Variants in CACNA2D3 observed in about 807,000 individuals in gnomAD.
CACNA2D3 encodes voltage-dependent calcium channel subunit alpha-2/delta-3.
A neutral mutation model predicts 160.6 loss-of-function variants in CACNA2D3; 60 were observed. That is an observed-to-expected ratio of 0.37 (90% CI 0.30 to 0.46). The LOEUF is 0.46. Among genes scored for constraint, CACNA2D3 ranks in the 20% least tolerant of loss-of-function variants. The probability of loss-of-function intolerance (pLI) is 1.00; values close to 1 mark genes in which losing one functional copy is unlikely to be tolerated. For synonymous variants in CACNA2D3, 558 were observed against 492.9 expected (o/e 1.13, Z -1.75); for missense variants, 1,205 against 1,365.0 (o/e 0.88, Z 1.85).
chr3:54,549,296 A>G (rs1397767892), intron 5 of CACNA2D3, among the ~76,000 whole-genome samples: 1 of 152,122 alleles, frequency 6.6e-6, no homozygotes, highest in Non-Finnish European at 1.5e-5. Context: ...AATACAAAAA[A>G]TTAGCCGAAT....
At chr3:54,680,199 G>A (rs1242027595) in intron 11 of CACNA2D3, among the ~76,000 whole-genome samples, 2 of 152,100 alleles carry the variant, frequency 1.3e-5, no homozygotes, top group East Asian at 3.9e-4. Context: ...ATAATCACCA[G>A]CTATGTCCCT....
At chr3:54,239,024 G>A (rs1242433564) in intron 2 of CACNA2D3, among the ~76,000 whole-genome samples, 1 of 152,192 alleles carries the variant, frequency 6.6e-6, no homozygotes, top group Non-Finnish European at 1.5e-5. Flanking sequence ...GTCCATAAAT[G>A]TATCAGTCAT....
At chr3:54,726,776 A>G (rs1478364742) in intron 11 of CACNA2D3, among the ~76,000 whole-genome samples, 1 of 152,238 alleles carries the variant, frequency 6.6e-6, no homozygotes, top group Non-Finnish European at 1.5e-5. Context: ...AGGTGGATCA[A>G]AGACTTAAAC....
intron 17 of CACNA2D3, among the ~76,000 whole-genome samples, chr3:54,871,070 ACACACACACACACACACACACAC>A (rs1473808069): frequency 9.9e-6 from 1 of 100,806 alleles, no homozygotes; most frequent in Non-Finnish European, 2.3e-5. Context: ...ACACACACAC[ACACACACACACACACACACACAC>A]CATTCAATGG....
intron 4 of CACNA2D3, among the ~76,000 whole-genome samples, chr3:54,503,005 C>G (rs1701317478): frequency 6.6e-6 from 1 of 152,194 alleles, no homozygotes; most frequent in Admixed American, 6.5e-5. Flanking sequence ...GTTGCCATCG[C>G]AGTGAGACCT....
intron 16 of CACNA2D3, among the ~76,000 whole-genome samples, chr3:54,843,341 C>T (rs887238568): frequency 4.6e-5 from 7 of 152,146 alleles, no homozygotes; most frequent in Non-Finnish European, 8.8e-5. Flanking sequence ...GTCAGGAGAG[C>T]CTTTTTACAA....
intron 5 of CACNA2D3, among the ~76,000 whole-genome samples, chr3:54,545,084 A>G (rs978995328): frequency 1.6e-4 from 25 of 152,228 alleles, no homozygotes; most frequent in African/African-American, 5.1e-4. Flanking sequence ...ACTTCTGGCC[A>G]TTTAAAATAT....
intron 27 of CACNA2D3, among the ~76,000 whole-genome samples, chr3:54,927,583 T>G (rs1453406956): frequency 2.0e-5 from 3 of 152,174 alleles, no homozygotes; most frequent in Non-Finnish European, 2.9e-5. Flanking sequence ...GTAGCCAATT[T>G]GTTCATTCTT....
At chr3:54,183,876 A>G (rs1700828508) in intron 2 of CACNA2D3, among the ~76,000 whole-genome samples, 1 of 136,640 alleles carries the variant, frequency 7.3e-6, no homozygotes, top group Non-Finnish European at 1.5e-5. Flanking sequence ...CAAAAGCGAA[A>G]CTCCGTCTCA....
intron 31 of CACNA2D3, among the ~76,000 whole-genome samples, chr3:55,000,084 G>A (rs943957087): frequency 6.6e-6 from 1 of 152,142 alleles, no homozygotes; most frequent in African/African-American, 2.4e-5. Context: ...TCTGTAATAA[G>A]AATACACCCC....
chr3:54,174,626 G>C (rs1452001920), intron 2 of CACNA2D3, among the ~76,000 whole-genome samples: 1 of 152,144 alleles, frequency 6.6e-6, no homozygotes, highest in Non-Finnish European at 1.5e-5. Flanking sequence ...CCGGGTTCGC[G>C]CCATTCTCCT....
chr3:54,741,477 G>C (rs1206810153), intron 11 of CACNA2D3, among the ~76,000 whole-genome samples: 1 of 152,048 alleles, frequency 6.6e-6, no homozygotes, highest in Non-Finnish European at 1.5e-5. Context: ...TAACTTGCTG[G>C]GCAAGGTGGC....
intron 11 of CACNA2D3, among the ~76,000 whole-genome samples, chr3:54,659,199 T>C (rs898103509): frequency 2.0e-5 from 3 of 152,238 alleles, no homozygotes; most frequent in Non-Finnish European, 4.4e-5. Flanking sequence ...ATTTTTGTTA[T>C]GTCATCTGCT....
chr3:54,137,561 A>G (rs1285746114), intron 2 of CACNA2D3, among the ~76,000 whole-genome samples: 1 of 152,184 alleles, frequency 6.6e-6, no homozygotes, highest in East Asian at 1.9e-4. Flanking sequence ...TTTTTTTTCT[A>G]AGTCAGTGCC....
At chr3:54,778,090 C>T (rs2107124379) in intron 13 of CACNA2D3, among the ~76,000 whole-genome samples, 1 of 152,236 alleles carries the variant, frequency 6.6e-6, no homozygotes, top group Non-Finnish European at 1.5e-5. Context: ...TTTCCTTCCA[C>T]ATGGCAGAAG....
intron 2 of CACNA2D3, among the ~76,000 whole-genome samples, chr3:54,291,329 C>T (rs1052178737): frequency 3.9e-5 from 6 of 152,166 alleles, no homozygotes; most frequent in Admixed American, 1.3e-4. Flanking sequence ...CTCAGATAGG[C>T]AATTAAAATG....
chr3:54,715,713 C>T (rs1397521042), intron 11 of CACNA2D3, among the ~76,000 whole-genome samples: 2 of 152,028 alleles, frequency 1.3e-5, no homozygotes, highest in Admixed American at 6.6e-5. Flanking sequence ...GGGAGGAAGA[C>T]CAAATATATA....
chr3:54,785,651 C>T (rs1702626409), intron 13 of CACNA2D3, among the ~76,000 whole-genome samples: 1 of 152,158 alleles, frequency 6.6e-6, no homozygotes, highest in South Asian at 2.1e-4. Flanking sequence ...AGCCTGAATG[C>T]AAATCCTGCA....
intron 2 of CACNA2D3, among the ~76,000 whole-genome samples, chr3:54,214,810 A>T (rs1275792574): frequency 6.6e-6 from 1 of 152,234 alleles, no homozygotes; most frequent in Non-Finnish European, 1.5e-5. Flanking sequence ...AAATACTGGT[A>T]GTAAGGACAG....
Sources: gnomAD v4.1 joint callset for allele counts (sites outside exome capture counted in the v4.1 genomes callset) on GRCh38, gnomAD v4.1.1 for gene constraint, MANE v1.5 for transcripts, NCBI Gene and HGNC (gene_info 2026-07-23, HGNC 2026-07-21) for gene names.